The following SRSF4 variants were observed in gnomAD, a reference collection of about 807,000 sequenced individuals.
SRSF4 encodes serine/arginine-rich splicing factor 4.
Under a neutral mutation model 48.8 loss-of-function variants are expected in SRSF4, and 12 were observed. That is an observed-to-expected ratio of 0.25 (90% CI 0.16 to 0.40). The LOEUF (loss-of-function observed/expected upper bound fraction) is 0.40, where lower values mean the gene tolerates loss of function less well. SRSF4 is among the 10% of genes least tolerant of loss of function. SRSF4 has a pLI of 1.00. For synonymous variants in SRSF4, 248 were observed against 232.5 expected (o/e 1.07, Z -0.61); for missense variants, 466 against 667.1 (o/e 0.70, Z 3.32).
In SRSF4 at chr1:29,148,449, C is replaced by A. The variant is rs138994362; in HGVS notation, c.1446G>T (p.Ser482=). 1.9e-6 allele frequency: 3 copies of A among 1,609,970 alleles called. No individual in the cohort carries two copies. Among genetic ancestry groups the A allele is most frequent in the Admixed American group, 1.7e-5 (1 of 59,764 alleles). Reference sequence around the variant, plus strand: ...GGGACCTAGATCTAGATCGGGAGGGCGATCTGGAAGCAGACCTGGATCTAG... The same window carrying A: ...GGGACCTAGATCTAGATCGGGAGGGAGATCTGGAAGCAGACCTGGATCTAG... The part of the protein sequence containing the change: ...SKSRSRSASR[S]PSRSRSRSHS... The change falls in exon 6 of 6, where the codon TCG becomes TCT. Residue 482 remains serine, a synonymous_variant. Transcript: ENST00000373795.
At chr1:29,180,137 T>C (rs960109563) in intron 1 of SRSF4, among the ~76,000 whole-genome samples, 6 of 152,254 alleles carry the variant, frequency 3.9e-5, no homozygotes, top group African/African-American at 1.2e-4. Context: ...GAGAAGTAAC[T>C]TGCCCATACG....
At position 29,148,629 on chromosome 1, in the gene SRSF4, G is replaced by A; in HGVS notation, c.1266C>T (p.Ser422=). The A allele has an allele frequency of 1.2e-6, 2 of 1,614,102 alleles. No individual in the cohort carries two copies. Among genetic ancestry groups the A allele is most frequent in the Non-Finnish European group, 1.7e-6 (2 of 1,179,972 alleles). ...SKEREHAKSE[S]SQREGRGESE... is the part of the protein sequence containing the mutation. ...TCTCTCCTCGACCTTCCCTCTGGCT[G>A]GATTCAGACTTGGCATGTTCCCGCT... is the stretch of plus-strand genomic sequence containing the variant. Residue 422 remains serine (S), a synonymous_variant, in exon 6 of 6, where the codon TCC becomes TCT. Coordinates refer to ENST00000373795, the MANE Select transcript of SRSF4 (RefSeq NM_005626.5).
chr1:29,164,121 G>T (rs537251430), intron 1 of SRSF4, among the ~76,000 whole-genome samples: 1 of 152,232 alleles, frequency 6.6e-6, no homozygotes, highest in Admixed American at 6.5e-5. Flanking sequence ...AAGTAGCTGG[G>T]ATTACAGGCA....
At chr1:29,166,168 A>C (rs1054878740) in intron 1 of SRSF4, 3 of 152,196 alleles carry the variant, frequency 2.0e-5, no homozygotes, top group African/African-American at 7.2e-5. Context: ...AAAGTCCTTA[A>C]ATCTACCCTG....
chr1:29,153,434 C>A (rs1672446923), intron 4 of SRSF4, among the ~76,000 whole-genome samples: 1 of 151,896 alleles, frequency 6.6e-6, no homozygotes, highest in African/African-American at 2.4e-5. Context: ...AGGTGTAAGC[C>A]ACCGCGTCTG....
intron 1 of SRSF4, among the ~76,000 whole-genome samples, chr1:29,168,175 C>T (rs992170412): frequency 5.4e-5 from 8 of 149,392 alleles, no homozygotes; most frequent in Admixed American, 2.7e-4. Flanking sequence ...CCACCATGCC[C>T]GGCAAATTTT....
At chr1:29,176,181 G>A (rs1404198123) in intron 1 of SRSF4, among the ~76,000 whole-genome samples, 1 of 152,050 alleles carries the variant, frequency 6.6e-6, no homozygotes, top group Non-Finnish European at 1.5e-5. Context: ...GAACCCAAAA[G>A]GCGGAAGTTG....
At chr1:29,153,919 G>A (rs1672455920) in intron 4 of SRSF4, among the ~76,000 whole-genome samples, 2 of 151,556 alleles carry the variant, frequency 1.3e-5, no homozygotes, top group East Asian at 4.0e-4. Flanking sequence ...CCCTTTTTGA[G>A]ATGGAGTCTC....
At chr1:29,162,478 T>G (rs1672613182) in intron 1 of SRSF4, among the ~76,000 whole-genome samples, 1 of 152,234 alleles carries the variant, frequency 6.6e-6, no homozygotes, top group African/African-American at 2.4e-5. Flanking sequence ...AACTCAACTA[T>G]TTTCTACTTT....
Position 29,181,630 on chromosome 1 carries a change from C to T in SRSF4, c.107+16G>A. ...GTCTGTCCCCGCCCGGCCGGACCCT[C>T]TTTCGCCCTCCTCACCCGTTCTTCA... On this transcript the variant is annotated intron_variant, in intron 1 of 5. Transcript: ENST00000373795. The T allele has an allele frequency of 6.3e-7, 1 of 1,576,702 alleles. No individual in the cohort carries two copies. The highest frequency in any genetic ancestry group is 8.6e-7 in the Non-Finnish European group (1 of 1,162,504).
chr1:29,177,545 GT>G (rs980847667), intron 1 of SRSF4, among the ~76,000 whole-genome samples: 3 of 152,190 alleles, frequency 2.0e-5, no homozygotes, highest in Admixed American at 6.5e-5. Context: ...GCCTCTCAAA[GT>G]GCCGGGGTTA....
chr1:29,178,852 T>C lies in SRSF4; in HGVS notation c.107+2794A>G, dbSNP rs1003623436. ...TTTGCTTGAAATACATCTTTACCAT[T>C]GGTCTTCTTCCCAGAAGTCGTTTTC... On this transcript the variant is annotated intron_variant, in intron 1 of 5. Transcript: ENST00000373795. 5.3e-5 allele frequency among the ~76,000 whole-genome samples: 8 copies of C among 152,336 alleles called. No homozygotes were observed. The East Asian group carries it at 1.4e-3, about 26-fold the overall frequency.
intron 5 of SRSF4, among the ~76,000 whole-genome samples, chr1:29,149,510 T>C (rs2151811236): frequency 6.6e-6 from 1 of 151,810 alleles, no homozygotes; most frequent in African/African-American, 2.4e-5. Context: ...TGAAGCCCCG[T>C]CTCTACTAAA....
intron 3 of SRSF4, among the ~76,000 whole-genome samples, chr1:29,156,803 A>C (rs1376234135): frequency 2.0e-5 from 3 of 152,214 alleles, no homozygotes; most frequent in Non-Finnish European, 2.9e-5. Context: ...GAGAAGAGAG[A>C]GGTTAAGAGT....
chr1:29,168,745 G>C (rs943397850), intron 1 of SRSF4: 2 of 152,210 alleles, frequency 1.3e-5, no homozygotes, highest in African/African-American at 4.8e-5. Context: ...GCAAAAATTA[G>C]ACCAGCATAA....
intron 4 of SRSF4, among the ~76,000 whole-genome samples, chr1:29,153,287 G>A (rs1426846381): frequency 6.6e-6 from 1 of 150,830 alleles, no homozygotes; most frequent in Admixed American, 6.6e-5. Context: ...ACAGGCGTGT[G>A]CCATCATGCC....
chr1:29,149,327 T>C lies in SRSF4; in HGVS notation c.669-101A>G. 2 of 1,356,466 alleles carry C rather than the reference T, an allele frequency of 1.5e-6. 1 individual carries two copies. Among genetic ancestry groups the C allele is most frequent in the Non-Finnish European group, 2.0e-6 (2 of 1,012,546 alleles). The allele number at this position is 1,356,466 out of a possible 1,614,324, so 84.0% of individuals were successfully genotyped here. On this transcript the variant is annotated intron_variant, in intron 5 of 5. Transcript: ENST00000373795. ...ACATGTGGAGTTACACCCCCCAATA[T>C]AAAGCATGGCTGGCACTGGCTGAGG...
intron 1 of SRSF4, chr1:29,165,750 A>G (rs1672661962): frequency 6.6e-6 from 1 of 152,246 alleles, no homozygotes; most frequent in Non-Finnish European, 1.5e-5. Context: ...ACTGCTAGGG[A>G]GTGGGTATGA....
intron 3 of SRSF4, among the ~76,000 whole-genome samples, chr1:29,157,962 G>A (rs898835411): frequency 6.6e-5 from 10 of 152,078 alleles, no homozygotes; most frequent in Non-Finnish European, 1.2e-4. Flanking sequence ...TTGTGGTCAG[G>A]AGGAGCTCGA....
Sources: gnomAD v4.1 joint callset for allele counts (sites outside exome capture counted in the v4.1 genomes callset) on GRCh38, gnomAD v4.1.1 for gene constraint, MANE v1.5 for transcripts, NCBI Gene and HGNC (gene_info 2026-07-23, HGNC 2026-07-21) for gene names.